The following ERICH2 variants were observed in gnomAD, a reference collection of about 807,000 sequenced individuals.
ERICH2 encodes the protein glutamate rich 2, also known as glutamate-rich protein 2.
Under a neutral mutation model 17.4 loss-of-function variants are expected in ERICH2, and 17 were observed. The observed-to-expected ratio is 0.98, with a 90% CI of 0.67 to 1.47. The LOEUF (loss-of-function observed/expected upper bound fraction) is 1.47. Among genes scored for constraint, ERICH2 ranks in the 40% most tolerant of loss-of-function variants. The pLI is 0.00. For missense variants in ERICH2, 186 were observed against 183.2 expected (o/e 1.01, Z -0.09); for synonymous variants, 51 against 61.1 (o/e 0.83, Z 0.77).
chr2:170,771,186 T>G, the ERICH2 span: 2 of 154,634 alleles, frequency 1.3e-5, no homozygotes, highest in South Asian at 2.0e-4. The surrounding 1 kb of genome is among the most constrained non-coding windows in gnomAD (Gnocchi z 4.8). Context: ...GGCCGCCAGC[T>G]GGTAAGACAC....
chr2:170,791,597 G>A (rs778802169), intron 2 of ERICH2, among the ~76,000 whole-genome samples: 60 of 151,478 alleles, frequency 4.0e-4, no homozygotes, highest in Middle Eastern at 3.4e-3. Context: ...GGCTGAGGCA[G>A]GAGAATGGCG....
At chr2:170,772,286 T>C in the ERICH2 span, among the ~76,000 whole-genome samples, 24 of 152,348 alleles carry the variant, frequency 1.6e-4, no homozygotes, top group Middle Eastern at 3.4e-3. Context: ...TTTGTGACAG[T>C]TCACCTTCAG....
At chr2:170,784,981 G>A (rs1701123673) in intron 2 of ERICH2, 148 bp downstream of exon 7, 1 of 606,572 alleles carries the variant, frequency 1.6e-6, no homozygotes, top group East Asian at 3.2e-5. Flanking sequence ...AGCTGGACGG[G>A]AAGAAGGGAG....
chr2:170,773,622 C>T, the ERICH2 span, among the ~76,000 whole-genome samples: 1 of 152,178 alleles, frequency 6.6e-6, no homozygotes. Flanking sequence ...CTATAAGATT[C>T]TGAACTTCTC....
exon 1 of ERICH2, chr2:170,783,841 G>A: frequency 6.4e-7 from 1 of 1,550,530 alleles, no homozygotes; most frequent in Non-Finnish European, 8.7e-7. Context: ...GTGAGCTGAT[G>A]GAGACTGTAA....
At chr2:170,782,502 C>T (rs895023507), upstream of ERICH2, 10 of 297,364 alleles carry the variant, frequency 3.4e-5, no homozygotes, top group Non-Finnish European at 4.0e-5. Flanking sequence ...TCATGAGAAT[C>T]AGTAGTTCTC....
At chr2:170,784,862 G>A (rs1405200579) in intron 2 of ERICH2, 29 bp downstream of exon 7, 2 of 1,374,102 alleles carry the variant, frequency 1.5e-6, no homozygotes, top group Non-Finnish European at 1.9e-6. Context: ...TATAATTGAA[G>A]AAACTTTAAA....
At chr2:170,770,625 A>G in the ERICH2 span, 1 of 155,194 alleles carries the variant, frequency 6.4e-6, no homozygotes, top group African/African-American at 2.4e-5. Context: ...TTACTCCCCA[A>G]GTTTAAAACT....
At chr2:170,779,077 T>C (rs1037789651), upstream of ERICH2, among the ~76,000 whole-genome samples, 1 of 152,204 alleles carries the variant, frequency 6.6e-6, no homozygotes, top group Non-Finnish European at 1.5e-5. Context: ...GCCAATAAGC[T>C]TCACAGGTGT....
At chr2:170,788,845 AC>A (rs1701216066) in intron 2 of ERICH2, among the ~76,000 whole-genome samples, 2 of 152,140 alleles carry the variant, frequency 1.3e-5, no homozygotes, top group Admixed American at 1.3e-4. Flanking sequence ...AATACTCTTT[AC>A]CTAGATTCAC....
the ERICH2 span, among the ~76,000 whole-genome samples, chr2:170,772,363 C>G: frequency 1.2e-4 from 19 of 152,190 alleles, no homozygotes; most frequent in African/African-American, 3.4e-4. Flanking sequence ...AACTGCAGTT[C>G]TGGCAGGAGA....
intron 1 of ERICH2, among the ~76,000 whole-genome samples, chr2:170,784,139 C>A (rs115037645): frequency 6.6e-6 from 1 of 151,966 alleles, no homozygotes; most frequent in Non-Finnish European, 1.5e-5. Context: ...CAGAGACTTC[C>A]CAGGCACTCA....
At chr2:170,788,931 ATTC>A (rs1286405970) in intron 2 of ERICH2, among the ~76,000 whole-genome samples, 2 of 116,208 alleles carry the variant, frequency 1.7e-5, no homozygotes, top group East Asian at 2.5e-4. Context: ...GCCTAGCCAT[ATTC>A]TTCTTCTTCT....
exon 2 of ERICH2, chr2:170,784,812 C>T: frequency 2.0e-6 from 3 of 1,487,220 alleles, no homozygotes; most frequent in Non-Finnish European, 2.7e-6. Flanking sequence ...ATACTCAGGC[C>T]CCACTAGAGT....
At chr2:170,780,562 T>C (rs183929393), upstream of ERICH2, among the ~76,000 whole-genome samples, 244 of 152,352 alleles carry the variant, frequency 1.6e-3, 3 homozygotes, top group African/African-American at 5.7e-3. Context: ...GTTATTCAAA[T>C]ACCCAGAACT....
chr2:170,798,549 T>G (rs935635814), intron 4 of ERICH2, among the ~76,000 whole-genome samples: 8 of 152,222 alleles, frequency 5.3e-5, no homozygotes, highest in African/African-American at 1.9e-4. Flanking sequence ...AAAATTATTT[T>G]TATAGACTTA....
At chr2:170,773,967 T>C in the ERICH2 span, among the ~76,000 whole-genome samples, 1 of 152,188 alleles carries the variant, frequency 6.6e-6, no homozygotes, top group Non-Finnish European at 1.5e-5. Context: ...AGCTATCCTC[T>C]GGCCTCGACC....
intron 3 of ERICH2, among the ~76,000 whole-genome samples, chr2:170,796,440 G>GTTTTT (rs370083171): frequency 5.2e-4 from 43 of 83,452 alleles, no homozygotes; most frequent in Admixed American, 8.3e-4. Context: ...TTTTTTTTTT[G>GTTTTT]TTTTTTTTTT....
the ERICH2 span, chr2:170,777,356 T>G: frequency 2.5e-4 from 259 of 1,038,506 alleles, no homozygotes; most frequent in Non-Finnish European, 3.0e-4. Context: ...ATGCTAGTTT[T>G]TATTTCTGCT....
Sources: allele counts gnomAD v4.1 joint callset (sites outside exome capture counted in the v4.1 genomes callset), GRCh38; gene constraint gnomAD v4.1.1; non-coding constraint Gnocchi (gnomAD v3.1); transcripts MANE v1.5; gene names NCBI Gene and HGNC (gene_info 2026-07-23, HGNC 2026-07-21).